Variants in KCTD19 observed in about 807,000 individuals in gnomAD.
The protein encoded by KCTD19 is potassium channel tetramerization domain containing 19.
A neutral mutation model predicts 103.5 loss-of-function variants in KCTD19; 67 were observed. The ratio of observed to expected loss-of-function variants is 0.65; its 90% CI spans 0.53 to 0.79. The LOEUF (loss-of-function observed/expected upper bound fraction) is 0.79. KCTD19 is among the 30% of genes least tolerant of loss of function. KCTD19 has a pLI of 0.00. For synonymous variants in KCTD19, 439 were observed against 452.2 expected, an observed-to-expected ratio of 0.97 and a Z score of 0.37; for missense variants, 980 against 1,136.1, an observed-to-expected ratio of 0.86 and a Z score of 1.98.
rs139946900 is a variant in KCTD19 at position 67,305,564 on chromosome 16, C to T, written c.301-993G>A. 3,257 of 454,910 alleles carry T rather than the reference C, an allele frequency of 7.2e-3. 60 individuals are homozygous for T. Among genetic ancestry groups the T allele is most frequent in the Admixed American group, 0.027 (1,162 of 42,442 alleles). 28.2% of individuals were successfully genotyped at this position (454,910 alleles called of 1,614,324 possible). ...AACTAGGCAAGCCTGAAGCCCAGGG[C>T]GGTCTTCGTGCCGCCCTTACCCAGG... On this transcript the variant is annotated intron_variant, in intron 2 of 15. Coordinates refer to ENST00000304372, the MANE Select transcript of KCTD19 (RefSeq NM_001100915.3).
intron 2 of KCTD19, among the ~76,000 whole-genome samples, chr16:67,309,135 A>C (rs2036924637): frequency 6.6e-6 from 1 of 151,800 alleles, no homozygotes; most frequent in Admixed American, 6.6e-5. Context: ...GCTCAAAAAA[A>C]AAAAAAAAAG....
chr16:67,326,681 C>A (rs748823586), intron 1 of KCTD19, 24 bp downstream of exon 1: 3 of 1,580,626 alleles, frequency 1.9e-6, no homozygotes, highest in Non-Finnish European at 2.6e-6. Flanking sequence ...GCTTTTGGCG[C>A]CCCCGCCAGA....
At chr16:67,312,246 A>C (rs972825721) in intron 2 of KCTD19, among the ~76,000 whole-genome samples, 1 of 152,214 alleles carries the variant, frequency 6.6e-6, no homozygotes, top group African/African-American at 2.4e-5. Context: ...CATGAAACTT[A>C]AACCCTGGTG....
rs774428720 is a variant in KCTD19 at position 67,293,786 on chromosome 16, C to T, written c.1976G>A (p.Arg659Gln). The T allele has an allele frequency of 3.1e-6, 5 of 1,613,718 alleles. No homozygotes were observed. The highest frequency in any genetic ancestry group is 1.3e-5 in the African/African-American group (1 of 74,910). Reference sequence around the variant, plus strand: ...GGTGGCCTCCTCCAAGGGGCTGCTCCGTGTGGCTGTCAGTGGCTGGAATTC... The same window carrying T: ...GGTGGCCTCCTCCAAGGGGCTGCTCTGTGTGGCTGTCAGTGGCTGGAATTC... Reference protein sequence around the residue: ...QWEFQPLTATRSSPLEEATLQ... With the variant: ...QWEFQPLTATQSSPLEEATLQ... Residue 659 changes from arginine to glutamine, a missense_variant, in exon 12 of 16, where the codon CGG (arginine) becomes CAG (glutamine). Physicochemically the swap from Arg to Gln is conservative, Grantham distance 43. Coordinates refer to ENST00000304372, the MANE Select transcript of KCTD19 (RefSeq NM_001100915.3). The surrounding 1 kb of genome is among the most constrained non-coding windows in gnomAD (Gnocchi z 4.0).
At chr16:67,294,532 G>A in intron 11 of KCTD19, 48 bp downstream of exon 11, 1 of 1,313,516 alleles carries the variant, frequency 7.6e-7, no homozygotes, top group Non-Finnish European at 1.1e-6. Flanking sequence ...TGAGCCCGGT[G>A]GTAGTGGTTT....
chr16:67,298,064 G>T (rs1213303246), intron 6 of KCTD19, among the ~76,000 whole-genome samples: 1 of 150,188 alleles, frequency 6.7e-6, no homozygotes, highest in African/African-American at 2.5e-5. Context: ...CGCGATCTCG[G>T]CTCACTGCAA....
chr16:67,291,672 G>A lies in KCTD19; in HGVS notation c.2384C>T (p.Thr795Ile). The change falls in exon 13 of 16, where the codon ACA (threonine) becomes ATA (isoleucine). Residue 795 changes from threonine to isoleucine, a missense_variant. Thr to Ile is a moderately conservative substitution (Grantham distance 89). Transcript: ENST00000304372. ...TTGGGGCTGGGGACTGGCTGTGGGT[G>A]TTGTGTGCCTGAGGTTGTCCATCTC... ...TTEMDNLRHT[T>I]PTASPQPQEV... The A allele has an allele frequency of 6.2e-7, 1 of 1,614,014 alleles. No individual in the cohort carries two copies. The highest frequency in any genetic ancestry group is 8.5e-7 in the Non-Finnish European group (1 of 1,179,954).
At position 67,297,642 on chromosome 16, in the gene KCTD19, C is replaced by T. The variant is rs1327361230; in HGVS notation, c.1008G>A (p.Arg336=). The change falls in exon 7 of 16, where the codon CGG becomes CGA. Residue 336 remains arginine, a synonymous_variant. Transcript: ENST00000304372. ...QHVKNWLGTC[R]LPLTETISEV... is the part of the protein sequence containing the mutation. ...CGGAAATGGTCTCTGTCAGGGGCAGCCGGCAAGTCCCCAGCCAGTTCCTGC... is the reference window on the plus strand; with the variant it reads ...CGGAAATGGTCTCTGTCAGGGGCAGTCGGCAAGTCCCCAGCCAGTTCCTGC... 2.5e-6 allele frequency: 4 copies of T among 1,613,716 alleles called. No individual in the cohort carries two copies. Among genetic ancestry groups the T allele is most frequent in the Non-Finnish European group, 3.4e-6 (4 of 1,179,980 alleles).
Position 67,315,350 on chromosome 16 carries a change from G to T in KCTD19, c.300+5239C>A, listed in dbSNP as rs186447664. Among the ~76,000 whole-genome samples, 39 of 150,758 alleles carry T rather than the reference G, an allele frequency of 2.6e-4. 1 individual carries two copies. Among genetic ancestry groups the T allele is most frequent in the Non-Finnish European group, 4.6e-4 (31 of 67,810 alleles). On this transcript the variant is annotated intron_variant, in intron 2 of 15. Transcript: ENST00000304372. Reference sequence around the variant, plus strand: ...TGGGATAGTCTCACTCTGTTGCCCAGGCTGGAGTGCCGTGGCTCAATCTCA... The same window carrying T: ...TGGGATAGTCTCACTCTGTTGCCCATGCTGGAGTGCCGTGGCTCAATCTCA...
chr16:67,317,295 A>G (rs984669223), intron 2 of KCTD19, among the ~76,000 whole-genome samples: 4 of 152,016 alleles, frequency 2.6e-5, no homozygotes, highest in Non-Finnish European at 5.9e-5. Context: ...CCTGGCCAAC[A>G]TAACAAAACC....
Position 67,297,491 on chromosome 16 carries a change from T to A in KCTD19, c.1147+12A>T. On this transcript the variant is annotated intron_variant, in intron 7 of 15. Transcript: ENST00000304372. ...TGATGCTAAATTCAAACCTAGAAGC[T>A]TTCTCACTTACTGAGCACATCCATG... 6.2e-7 allele frequency: 1 copy of A among 1,613,522 alleles called. No individual in the cohort carries two copies. Among genetic ancestry groups the A allele is most frequent in the Non-Finnish European group, 8.5e-7 (1 of 1,179,612 alleles).
chr16:67,299,288 G>A lies in KCTD19; in HGVS notation c.986+75C>T, dbSNP rs968391179. 4.3e-6 allele frequency: 6 copies of A among 1,386,616 alleles called. No individual in the cohort carries two copies. The Admixed American group carries it at 5.4e-5, about 12-fold the overall frequency. The allele number at this position is 1,386,616 out of a possible 1,614,324, so 85.9% of individuals were successfully genotyped here. A position where few individuals can be genotyped will look rare whatever the true frequency, so the allele number is the denominator to read the frequency against. ...CACTTCACCTCTGGCTAGTGGGAAA[G>A]GCCCCAGGTTATTCCTAGAGGGAAG... On this transcript the variant is annotated intron_variant, in intron 6 of 15. Coordinates refer to ENST00000304372, the MANE Select transcript of KCTD19 (RefSeq NM_001100915.3).
rs781761430 is a variant in KCTD19 at position 67,293,631 on chromosome 16, C to G, written c.2131G>C (p.Gly711Arg). ...AGAGAGAKDK[G>R]PEPTFKPYLP... ...TATGGCTTGAAGGTTGGCTCTGGCCCCTTGTCTTTCGCTCCAGCTCCAGCC... is the reference window on the plus strand; with the variant it reads ...TATGGCTTGAAGGTTGGCTCTGGCCGCTTGTCTTTCGCTCCAGCTCCAGCC... The change falls in exon 12 of 16, where the codon GGG (glycine) becomes CGG (arginine). Residue 711 changes from glycine to arginine, a missense_variant. By Grantham distance (125) the Gly-to-Arg change is moderately radical (BLOSUM62 -2). Coordinates refer to ENST00000304372, the MANE Select transcript of KCTD19 (RefSeq NM_001100915.3). This position sits in a 1 kb window ranked among gnomAD's most constrained non-coding sequence, Gnocchi z 4.0. The G allele has an allele frequency of 5.0e-5, 81 of 1,613,864 alleles. No individual in the cohort carries two copies. Among genetic ancestry groups the G allele is most frequent in the Non-Finnish European group, 6.4e-5 (76 of 1,180,000 alleles).
chr16:67,294,502 G>T, intron 11 of KCTD19, 78 bp downstream of exon 11: 1 of 998,734 alleles, frequency 1.0e-6, no homozygotes, highest in Non-Finnish European at 1.6e-6. Flanking sequence ...ACCAGTAGCT[G>T]AACCTACCCC....
rs759100184 is a variant in KCTD19 at position 67,293,735 on chromosome 16, G to C, written c.2027C>G (p.Ala676Gly). Residue 676 changes from alanine (A) to glycine (G), a missense_variant, in exon 12 of 16, where the codon GCT (alanine) becomes GGT (glycine). By Grantham distance (60) the Ala-to-Gly change is moderately conservative (BLOSUM62 0). Transcript: ENST00000304372. This position sits in a 1 kb window ranked among gnomAD's most constrained non-coding sequence, Gnocchi z 4.0. ...AGCTGAGGTGCTGGGCTGGGAAGCAGCCTCGCTTCCCAAGGGGAGCTGCAG... is the reference window on the plus strand; with the variant it reads ...AGCTGAGGTGCTGGGCTGGGAAGCACCCTCGCTTCCCAAGGGGAGCTGCAG... ...ATLQLPLGSE[A>G]ASQPSTSAAW... 11 of 1,613,958 alleles carry C rather than the reference G, an allele frequency of 6.8e-6. No homozygotes were observed. In the South Asian group the frequency reaches 1.2e-4, roughly 18 times the overall value.
At chr16:67,325,395 ATTTTATTTTG>A (rs998293928) in intron 1 of KCTD19, among the ~76,000 whole-genome samples, 13 of 149,710 alleles carry the variant, frequency 8.7e-5, no homozygotes, top group African/African-American at 2.0e-4. Flanking sequence ...ATTTTATTTT[ATTTTATTTTG>A]TTTTATTTTT....
chr16:67,317,962 AG>A (rs2037030336), intron 2 of KCTD19, among the ~76,000 whole-genome samples: 1 of 152,212 alleles, frequency 6.6e-6, no homozygotes, highest in Non-Finnish European at 1.5e-5. Context: ...AAAAAATCTG[AG>A]TATCTGATAG....
intron 11 of KCTD19, 131 bp from the exon 12 acceptor site, chr16:67,294,302 C>T (rs2036738609): frequency 3.8e-6 from 4 of 1,045,502 alleles, no homozygotes; most frequent in Non-Finnish European, 5.6e-6. Flanking sequence ...TGACAGGGGT[C>T]ACCCATTTGA....
intron 2 of KCTD19, among the ~76,000 whole-genome samples, chr16:67,309,234 A>C (rs1287560798): frequency 6.6e-6 from 1 of 152,154 alleles, no homozygotes; most frequent in African/African-American, 2.4e-5. Context: ...TCTCCAAAGA[A>C]GCGAACAGAG....
Sources: gnomAD v4.1 joint callset for allele counts (sites outside exome capture counted in the v4.1 genomes callset) on GRCh38, gnomAD v4.1.1 for gene constraint, Gnocchi (gnomAD v3.1) non-coding constraint, MANE v1.5 for transcripts, NCBI Gene and HGNC (gene_info 2026-07-23, HGNC 2026-07-21) for gene names.